MYH14: variants seen among roughly 807,000 people sequenced by gnomAD.
MYH14 encodes the protein myosin-14.
MYH14 carries 123 observed loss-of-function variants against 255.5 expected under a neutral mutation model. The observed-to-expected ratio is 0.48, with a 90% CI of 0.42 to 0.56. The LOEUF is 0.56. Ranked by LOEUF, MYH14 falls within the 20% of genes least tolerant of loss-of-function variation. The pLI is 0.00. For missense variants in MYH14, 2,423 were observed against 2,802.3 expected (o/e 0.86, Z 3.06); for synonymous variants, 1,095 against 1,161.2 (o/e 0.94, Z 1.16).
At chr19:50,228,644 G>A (rs1342818111) in intron 8 of MYH14, among the ~76,000 whole-genome samples, 1 of 152,106 alleles carries the variant, frequency 6.6e-6, no homozygotes, top group African/African-American at 2.4e-5. Context: ...CCTCTCCATG[G>A]TACCTGCATA....
At chr19:50,226,785 G>T (rs1229672375) in intron 7 of MYH14, 118 bp from the exon 8 acceptor site, 7 of 904,200 alleles carry the variant, frequency 7.7e-6, no homozygotes, top group Non-Finnish European at 1.2e-5. Context: ...GAGGGAGCAA[G>T]GAAGTGGGGG....
At chr19:50,271,352 C>T in intron 24 of MYH14, 57 bp from the exon 25 acceptor site, 1 of 1,552,814 alleles carries the variant, frequency 6.4e-7, no homozygotes, top group Non-Finnish European at 8.7e-7. Context: ...CCATCCTTCC[C>T]CATCACACTC....
At chr19:50,267,752 TAGAA>T (rs555233481) in intron 23 of MYH14, among the ~76,000 whole-genome samples, 2 of 151,984 alleles carry the variant, frequency 1.3e-5, no homozygotes, top group Non-Finnish European at 2.9e-5. Context: ...TGTGAGGTAG[TAGAA>T]AGACCCCTCG....
At position 50,276,328 on chromosome 19, in the gene MYH14, C is replaced by T. The variant is rs1177160380; in HGVS notation, c.3680+125C>T. ...TGTACAGTTGTTCATGAACCACCGG[C>T]TCTAGGTCCGGCCTGGGTCAAGCTG... On this transcript the variant is annotated intron_variant, in intron 28 of 42. Transcript: ENST00000642316. This position sits in a 1 kb window ranked among gnomAD's most constrained non-coding sequence, Gnocchi z 4.3. 3.6e-6 allele frequency: 3 copies of T among 824,532 alleles called. No individual in the cohort carries two copies. 51.1% of individuals were successfully genotyped at this position (824,532 alleles called of 1,614,324 possible).
At chr19:50,218,744 TA>T (rs2032635930) in intron 3 of MYH14, among the ~76,000 whole-genome samples, 1 of 152,092 alleles carries the variant, frequency 6.6e-6, no homozygotes, top group Non-Finnish European at 1.5e-5. Context: ...ATGTGTAATC[TA>T]TCCCTCACCA....
In MYH14 at chr19:50,268,401, C is replaced by T. The variant is rs936022; in HGVS notation, c.3033+34C>T. 29,143 of 1,543,850 alleles carry T rather than the reference C, an allele frequency of 0.019. 542 individuals carry two copies. Among genetic ancestry groups the T allele is most frequent in the African/African-American group, 0.089 (6,536 of 73,076 alleles). On this transcript the variant is annotated intron_variant, in intron 24 of 42. Transcript: ENST00000642316. Reference sequence around the variant, plus strand: ...CCTTGCATGCCCACCAGGCCACCCTCCAGACCCCTCTGTCTACACCATCCA... The same window carrying T: ...CCTTGCATGCCCACCAGGCCACCCTTCAGACCCCTCTGTCTACACCATCCA...
intron 8 of MYH14, among the ~76,000 whole-genome samples, chr19:50,229,510 TGCACACCTGTAGTCCCA>T (rs1036462959): frequency 6.6e-6 from 1 of 152,066 alleles, no homozygotes; most frequent in Non-Finnish European, 1.5e-5. Context: ...GGTGTGGTTG[TGCACACCTGTAGTCCCA>T]GCTACTTGAG....
intron 22 of MYH14, among the ~76,000 whole-genome samples, chr19:50,265,988 G>A (rs117866699): frequency 9.9e-5 from 15 of 152,274 alleles, no homozygotes; most frequent in East Asian, 7.7e-4. Flanking sequence ...TTTGAGAAAT[G>A]TGAATGATAC....
chr19:50,293,223 A>T lies in MYH14; in HGVS notation c.5257-10A>T. 1 of 1,595,316 alleles carries T rather than the reference A, an allele frequency of 6.3e-7. No individual in the cohort carries two copies. The highest frequency in any genetic ancestry group is 8.5e-7 in the Non-Finnish European group (1 of 1,171,112). Reference sequence around the variant, plus strand: ...CCTCACACCCACCGGCCACCCCTCCATCATCACAGGAACTGGCCGCCTCGG... The same window carrying T: ...CCTCACACCCACCGGCCACCCCTCCTTCATCACAGGAACTGGCCGCCTCGG... On this transcript the variant is annotated splice_polypyrimidine_tract_variant and intron_variant, in intron 37 of 42. Coordinates refer to ENST00000642316, the MANE Select transcript of MYH14 (RefSeq NM_001145809.2). This position sits in a 1 kb window ranked among gnomAD's most constrained non-coding sequence, Gnocchi z 4.1.
At chr19:50,226,512 T>C (rs1052995789) in intron 7 of MYH14, among the ~76,000 whole-genome samples, 6 of 144,914 alleles carry the variant, frequency 4.1e-5, no homozygotes, top group Non-Finnish European at 9.0e-5. Context: ...GACCCCTGGG[T>C]CTGAAGGAGG....
chr19:50,236,311 C>A (rs147641172), intron 10 of MYH14, among the ~76,000 whole-genome samples: 1 of 149,186 alleles, frequency 6.7e-6, no homozygotes, highest in East Asian at 2.1e-4. Flanking sequence ...CCAGCCTGGG[C>A]GACAAAGTGA....
chr19:50,223,450 T>C (rs1417545423), intron 5 of MYH14, 101 bp downstream of exon 5: 13 of 870,902 alleles, frequency 1.5e-5, no homozygotes, highest in South Asian at 1.1e-4. Flanking sequence ...ATGGAGGTCC[T>C]TCTCCTAGAC....
At position 50,221,891 on chromosome 19, in the gene MYH14, C is replaced by T. The variant is rs545316700; in HGVS notation, c.563-1192C>T. ...ACTCAGAGCCTTTCCCCTGGCTGTG[C>T]CCTCTGCCTGAAATGCCACCTCCAC... On this transcript the variant is annotated intron_variant, in intron 3 of 42. Coordinates refer to ENST00000642316, the MANE Select transcript of MYH14 (RefSeq NM_001145809.2). This position sits in a 1 kb window ranked among gnomAD's most constrained non-coding sequence, Gnocchi z 5.3. Among the ~76,000 whole-genome samples the T allele has an allele frequency of 5.3e-5, 8 of 152,300 alleles. No homozygotes were observed. Among genetic ancestry groups the T allele is most frequent in the South Asian group, 2.1e-4 (1 of 4,818 alleles).
rs772570358 is a variant in MYH14 at position 50,259,162 on chromosome 19, C to A, written c.2251C>A (p.Arg751=). 1 of 1,558,598 alleles carries A rather than the reference C, an allele frequency of 6.4e-7. No homozygotes were observed. Among genetic ancestry groups the A allele is most frequent in the Non-Finnish European group, 8.7e-7 (1 of 1,150,908 alleles). Residue 751 remains arginine, a synonymous_variant, in exon 19 of 43, where the codon CGG becomes AGG. Coordinates refer to ENST00000642316, the MANE Select transcript of MYH14 (RefSeq NM_001145809.2). The part of the protein sequence containing the change: ...HEKRAGKLEP[R]LVLDQLRCNG... ...TCCCCAGGCCGGGAAGCTGGAGCCA[C>A]GGCTGGTGCTGGACCAGCTTCGCTG...
At chr19:50,272,433 G>A in intron 26 of MYH14, 127 bp from the exon 27 acceptor site, 1 of 958,506 alleles carries the variant, frequency 1.0e-6, no homozygotes. Context: ...AAGGTGGGAG[G>A]AGGAGAAGGC....
rs903185679 is a variant in MYH14, at chr19:50,295,893, A to C, written c.5469+2206A>C. Reference sequence around the variant, plus strand: ...TTTGGGAGGCTGAGGCGGGTAGATCATGAGGTCAGGAGTTCAAGACCAGCC... The same window carrying C: ...TTTGGGAGGCTGAGGCGGGTAGATCCTGAGGTCAGGAGTTCAAGACCAGCC... On this transcript the variant is annotated intron_variant, in intron 39 of 42. Coordinates refer to ENST00000642316, the MANE Select transcript of MYH14 (RefSeq NM_001145809.2). 2.0e-5 allele frequency among the ~76,000 whole-genome samples: 3 copies of C among 151,932 alleles called. No individual in the cohort carries two copies. The South Asian group carries it at 6.3e-4, about 32-fold the overall frequency.
At chr19:50,239,487 G>A (rs1335052211) in intron 10 of MYH14, among the ~76,000 whole-genome samples, 1 of 152,280 alleles carries the variant, frequency 6.6e-6, no homozygotes, top group Non-Finnish European at 1.5e-5. Flanking sequence ...CTAGTTACAC[G>A]TTTTTGGCGG....
intron 40 of MYH14, among the ~76,000 whole-genome samples, chr19:50,304,192 A>C (rs933654412): frequency 1.3e-4 from 20 of 152,246 alleles, no homozygotes; most frequent in Admixed American, 1.3e-3. Flanking sequence ...CTTGCTATTC[A>C]TCATCTGCAC....
At chr19:50,205,200 T>C (rs937963789) in intron 1 of MYH14, among the ~76,000 whole-genome samples, 2 of 152,198 alleles carry the variant, frequency 1.3e-5, no homozygotes, top group Admixed American at 6.5e-5. Flanking sequence ...CAGGGAAAGC[T>C]GAGGCCCAGG....
Sources: gnomAD v4.1 joint callset for allele counts (sites outside exome capture counted in the v4.1 genomes callset) on GRCh38, gnomAD v4.1.1 for gene constraint, Gnocchi (gnomAD v3.1) non-coding constraint, MANE v1.5 for transcripts, NCBI Gene and HGNC (gene_info 2026-07-23, HGNC 2026-07-21) for gene names.